The following NECTIN3 variants were observed in gnomAD, a reference collection of about 807,000 sequenced individuals.
NECTIN3 encodes nectin-3.
A neutral mutation model predicts 49.4 loss-of-function variants in NECTIN3; 8 were observed. That is an observed-to-expected ratio of 0.16 (90% CI 0.10 to 0.29). NECTIN3 has a LOEUF of 0.29. Ranked by LOEUF, NECTIN3 falls within the 10% of genes least tolerant of loss-of-function variation. The pLI is 1.00. For synonymous variants in NECTIN3, 277 were observed against 241.1 expected (o/e 1.15, Z -1.38); for missense variants, 581 against 654.6 (o/e 0.89, Z 1.23).
intron 1 of NECTIN3, among the ~76,000 whole-genome samples, chr3:111,093,387 A>G (rs988782449): frequency 2.6e-5 from 4 of 151,490 alleles, no homozygotes; most frequent in African/African-American, 9.7e-5. Flanking sequence ...CAAGATTAGA[A>G]GCTAAGTATT....
chr3:111,111,488 G>C (rs981597510), intron 1 of NECTIN3, among the ~76,000 whole-genome samples: 3 of 152,058 alleles, frequency 2.0e-5, no homozygotes, highest in African/African-American at 7.2e-5. Flanking sequence ...TATTTGGTTT[G>C]GGAGATCCTA....
At chr3:111,100,817 A>G (rs2032864983) in intron 1 of NECTIN3, among the ~76,000 whole-genome samples, 1 of 152,034 alleles carries the variant, frequency 6.6e-6, no homozygotes, top group South Asian at 2.1e-4. Flanking sequence ...TAGAATCTGA[A>G]TAATTGTTAT....
chr3:111,105,325 G>T (rs1464064584), intron 1 of NECTIN3, among the ~76,000 whole-genome samples: 1 of 151,632 alleles, frequency 6.6e-6, no homozygotes, highest in African/African-American at 2.4e-5. Flanking sequence ...TAGAGATGGG[G>T]TTTGGCCATA....
intron 1 of NECTIN3, among the ~76,000 whole-genome samples, chr3:111,104,156 A>G (rs2033058092): frequency 6.6e-6 from 1 of 151,904 alleles, no homozygotes; most frequent in South Asian, 2.1e-4. Context: ...ATTCATCCAT[A>G]TTTTCTTCAA....
At chr3:111,099,263 T>C (rs76783470) in intron 1 of NECTIN3, among the ~76,000 whole-genome samples, 27 of 152,332 alleles carry the variant, frequency 1.8e-4, no homozygotes, top group African/African-American at 6.3e-4. Flanking sequence ...TTGGTTTTCC[T>C]AAGTATCTTT....
Position 111,074,863 on chromosome 3 carries a change from T to A in NECTIN3, c.160+2686T>A, listed in dbSNP as rs989688051. On this transcript the variant is annotated intron_variant, in intron 1 of 5. Transcript: ENST00000485303. The stretch of plus-strand genomic sequence containing the variant: ...ATAGATGATTAGATTTATCTCACTT[T>A]TACTTCCCACCGTTTTTTTTTCAGG... 3 of 152,054 alleles carry A rather than the reference T, an allele frequency of 2.0e-5. No homozygotes were observed. The East Asian group carries it at 5.8e-4, about 29-fold the overall frequency. 9.4% of individuals were successfully genotyped at this position (152,054 alleles called of 1,614,324 possible). A position where few individuals can be genotyped will look rare whatever the true frequency, so the allele number is the denominator to read the frequency against.
intron 1 of NECTIN3, among the ~76,000 whole-genome samples, chr3:111,076,957 C>G (rs1009211810): frequency 6.9e-6 from 1 of 144,290 alleles, no homozygotes; most frequent in African/African-American, 2.6e-5. Flanking sequence ...GCCTGGGTGA[C>G]GGAGCAAGAC....
At position 111,111,899 on chromosome 3, in the gene NECTIN3, A is replaced by ATGTG. The variant is rs10581136; in HGVS notation, c.161-99_161-96dup. 3.3e-3 allele frequency: 1,910 copies of ATGTG among 581,280 alleles called. 28 individuals are homozygous for ATGTG. In the African/African-American group the frequency reaches 0.033, roughly 10 times the overall value. 36.0% of individuals were successfully genotyped at this position (581,280 alleles called of 1,614,324 possible). On this transcript the variant is annotated intron_variant, in intron 1 of 5. Transcript: ENST00000485303. ...TGTGAGTGCATGTGTGTGTGTGTGCATGTGTGTGTGTGTGTGTGTGTGTGT... is the reference window on the plus strand; with the variant it reads ...TGTGAGTGCATGTGTGTGTGTGTGCATGTGTGTGTGTGTGTGTGTGTGTGTGTGT...
intron 4 of NECTIN3, 112 bp downstream of exon 4, chr3:111,122,350 T>G (rs957686028): frequency 1.3e-6 from 1 of 753,860 alleles, no homozygotes; most frequent in Non-Finnish European, 2.0e-6. Context: ...AGCAGAAAAT[T>G]TTAATTAAAT....
At position 111,122,140 on chromosome 3, in the gene NECTIN3, A is replaced by G. The variant is rs767897797; in HGVS notation, c.819A>G (p.Val273=). ...LDIQYAPEVS[V]TGYDGNWFVG... ...TTATAGATGCTCCTGAAGTTTCGGT[A>G]ACAGGATATGATGGAAATTGGTTTG... is the stretch of plus-strand genomic sequence containing the variant. The change falls in exon 4 of 6, where the codon GTA becomes GTG. Residue 273 remains valine (V), a synonymous_variant. Transcript: ENST00000485303. 1 of 1,612,276 alleles carries G rather than the reference A, an allele frequency of 6.2e-7. No individual in the cohort carries two copies. The highest frequency in any genetic ancestry group is 1.7e-5 in the Admixed American group (1 of 59,968).
intron 6 of NECTIN3, among the ~76,000 whole-genome samples, chr3:111,146,461 A>G (rs2034879787): frequency 1.3e-5 from 2 of 151,614 alleles, no homozygotes; most frequent in East Asian, 3.9e-4. Context: ...AAGAGTGACT[A>G]GCATGTGGTT....
rs1170025571 is a variant in NECTIN3, at chr3:111,071,875, T to G, written c.-143T>G. Reference sequence around the variant, plus strand: ...AGGCAGCCGCCAGCGTTCGGCCAAGTGTCAGCCGGCAGCGACGGCGCTAGA... The same window carrying G: ...AGGCAGCCGCCAGCGTTCGGCCAAGGGTCAGCCGGCAGCGACGGCGCTAGA... On this transcript the variant is annotated 5_prime_UTR_variant, in exon 1 of 6. Coordinates refer to ENST00000485303, the MANE Select transcript of NECTIN3 (RefSeq NM_015480.3). The G allele has an allele frequency of 1.9e-5, 9 of 478,802 alleles. No homozygotes were observed. The East Asian group carries it at 3.1e-4, about 16-fold the overall frequency. The allele number at this position is 478,802 out of a possible 1,614,324, so 29.7% of individuals were successfully genotyped here. A position where few individuals can be genotyped will look rare whatever the true frequency, so the allele number is the denominator to read the frequency against.
At chr3:111,111,963 G>A in intron 1 of NECTIN3, 67 bp from the exon 2 acceptor site, 2 of 977,356 alleles carry the variant, frequency 2.0e-6, no homozygotes, top group East Asian at 5.1e-5. Flanking sequence ...AGGGGGTCAG[G>A]AAGGGAGGAG....
intron 5 of NECTIN3, among the ~76,000 whole-genome samples, chr3:111,126,734 A>G (rs1176918693): frequency 6.6e-6 from 1 of 152,158 alleles, no homozygotes; most frequent in Non-Finnish European, 1.5e-5. Flanking sequence ...AATAAAATGG[A>G]ATATTAAATT....
At chr3:111,182,406 T>C (rs556211040) in intron 7 of NECTIN3, among the ~76,000 whole-genome samples, 1 of 152,248 alleles carries the variant, frequency 6.6e-6, no homozygotes, top group Admixed American at 6.5e-5. Context: ...TTCATTTCTA[T>C]AGTAACTAAG....
At chr3:111,072,574 C>A (rs537529240) in intron 1 of NECTIN3, 6 of 1,535,214 alleles carry the variant, frequency 3.9e-6, no homozygotes. Context: ...GAGCTGTGAG[C>A]CCAGAAACCC....
intron 7 of NECTIN3, among the ~76,000 whole-genome samples, chr3:111,177,077 CAG>C (rs1460026954): frequency 3.9e-5 from 6 of 152,172 alleles, no homozygotes; most frequent in Admixed American, 2.0e-4. Flanking sequence ...AAAATCTTAA[CAG>C]AGTGTCTTTT....
chr3:111,094,570 A>G (rs890269870), intron 1 of NECTIN3, among the ~76,000 whole-genome samples: 13 of 152,178 alleles, frequency 8.5e-5, no homozygotes, highest in Admixed American at 7.9e-4. Flanking sequence ...ATGATTTATG[A>G]CATATAAAGG....
chr3:111,123,025 A>AT lies in NECTIN3; in HGVS notation c.917+796dup, dbSNP rs200049464. ...TTATTCTTCCTAGAAGATTTTCTTGATTTTTTTTTAAATTTTCCATTGACT... is the reference window on the plus strand; with the variant it reads ...TTATTCTTCCTAGAAGATTTTCTTGATTTTTTTTTTAAATTTTCCATTGACT... On this transcript the variant is annotated intron_variant, in intron 4 of 5. Transcript: ENST00000485303. Among the ~76,000 whole-genome samples, 75 of 149,408 alleles carry AT rather than the reference A, an allele frequency of 5.0e-4. 1 individual carries two copies. The East Asian group carries it at 0.011, about 21-fold the overall frequency.
Sources: gnomAD v4.1 joint callset for allele counts (sites outside exome capture counted in the v4.1 genomes callset) on GRCh38, gnomAD v4.1.1 for gene constraint, MANE v1.5 for transcripts, NCBI Gene and HGNC (gene_info 2026-07-23, HGNC 2026-07-21) for gene names.